The following GNAL variants were observed in gnomAD, a reference collection of about 807,000 sequenced individuals.
GNAL encodes guanine nucleotide-binding protein G(olf) subunit alpha.
GNAL carries 18 observed loss-of-function variants against 55.1 expected under a neutral mutation model. The ratio of observed to expected loss-of-function variants is 0.33; its 90% CI spans 0.23 to 0.48. The LOEUF (loss-of-function observed/expected upper bound fraction) is 0.48. GNAL is among the 20% of genes least tolerant of loss of function. The pLI is 0.99. For synonymous variants in GNAL, 253 were observed against 237.0 expected (o/e 1.07, Z -0.62); for missense variants, 412 against 614.1 (o/e 0.67, Z 3.48).
intron 4 of GNAL, among the ~76,000 whole-genome samples, chr18:11,768,661 G>C (rs1250767431): frequency 6.6e-6 from 1 of 150,566 alleles, no homozygotes; most frequent in Non-Finnish European, 1.5e-5. Context: ...TTGGGAGGCC[G>C]AGGCGGGCGG....
intron 6 of GNAL, 145 bp downstream of exon 6, chr18:11,862,594 T>TGC: frequency 1.5e-6 from 1 of 656,122 alleles, no homozygotes; most frequent in South Asian, 1.9e-5. Context: ...CCTGTGTGTG[T>TGC]GCGTGGATTG....
chr18:11,876,525 T>C (rs1449320494), intron 10 of GNAL, 96 bp from the exon 11 acceptor site: 2 of 792,318 alleles, frequency 2.5e-6, no homozygotes, highest in Admixed American at 3.8e-5. Flanking sequence ...GCTGGGAATA[T>C]ACAGCAGTCT....
chr18:11,860,220 G>A (rs1381163417), intron 5 of GNAL, among the ~76,000 whole-genome samples: 1 of 152,162 alleles, frequency 6.6e-6, no homozygotes, highest in Non-Finnish European at 1.5e-5. Flanking sequence ...ATCCACTCCT[G>A]CCCCTTTGTG....
intron 8 of GNAL, among the ~76,000 whole-genome samples, chr18:11,867,993 C>T (rs571855602): frequency 1.3e-5 from 2 of 150,276 alleles, no homozygotes; most frequent in Non-Finnish European, 3.0e-5. Flanking sequence ...GGTGTTATGG[C>T]GCACACCTTT....
chr18:11,844,984 G>A (rs1268492966), intron 5 of GNAL, among the ~76,000 whole-genome samples: 2 of 152,068 alleles, frequency 1.3e-5, no homozygotes, highest in Admixed American at 6.6e-5. Context: ...TCCTGCCTCA[G>A]CCTCCCAAGT....
chr18:11,803,092 A>C (rs1361863952), intron 4 of GNAL, among the ~76,000 whole-genome samples: 1 of 152,172 alleles, frequency 6.6e-6, no homozygotes, highest in Non-Finnish European at 1.5e-5. Context: ...ATATAACATA[A>C]ATTTTACCAT....
intron 1 of GNAL, among the ~76,000 whole-genome samples, chr18:11,750,508 G>A (rs981494677): frequency 6.6e-6 from 1 of 152,120 alleles, no homozygotes; most frequent in Non-Finnish European, 1.5e-5. Context: ...CTGGGTGGAG[G>A]AGCCCGGATG....
At chr18:11,832,879 A>C (rs973977218) in intron 5 of GNAL, among the ~76,000 whole-genome samples, 2 of 152,020 alleles carry the variant, frequency 1.3e-5, no homozygotes, top group Non-Finnish European at 2.9e-5. Flanking sequence ...TAAATAAATA[A>C]ATAAAAATTT....
In GNAL at chr18:11,880,858, C is replaced by CTAAG. The variant is rs887270570; in HGVS notation, c.1231-129_1231-126dup. ...GCTTGCATTGAGACCATTCCTGCCT[C>CTAAG]TAAGTGCTCCCATGCAAAACAAGCA... On this transcript the variant is annotated intron_variant, in intron 11 of 11. Transcript: ENST00000334049. The CTAAG allele has an allele frequency of 4.5e-6, 4 of 897,946 alleles. No individual in the cohort carries two copies. The African/African-American group carries it at 6.6e-5, about 15-fold the overall frequency. 55.6% of individuals were successfully genotyped at this position (897,946 alleles called of 1,614,324 possible). A position where few individuals can be genotyped will look rare whatever the true frequency, so the allele number is the denominator to read the frequency against.
In GNAL at chr18:11,752,608, G is replaced by T; in HGVS notation, c.377-245G>T. On this transcript the variant is annotated intron_variant, in intron 1 of 11. Coordinates refer to ENST00000334049, the MANE Select transcript of GNAL (RefSeq NM_182978.4). This position sits in a 1 kb window ranked among gnomAD's most constrained non-coding sequence, Gnocchi z 4.5. ...GGCCGAGGGGCGCGCGGCGGCTCCC[G>T]GCCCCAGCGGAGCGCACAGCCAGGA... 1 of 1,566,962 alleles carries T rather than the reference G, an allele frequency of 6.4e-7. No homozygotes were observed.
At chr18:11,812,463 AG>A (rs766771202) in intron 4 of GNAL, among the ~76,000 whole-genome samples, 16 of 152,222 alleles carry the variant, frequency 1.1e-4, no homozygotes, top group Non-Finnish European at 2.1e-4. Context: ...TGCAGGACAC[AG>A]GAACAAATAC....
chr18:11,806,942 C>T (rs1226091671), intron 4 of GNAL, among the ~76,000 whole-genome samples: 1 of 152,056 alleles, frequency 6.6e-6, no homozygotes, highest in Non-Finnish European at 1.5e-5. Flanking sequence ...GCTGGTATTA[C>T]AGGCGTGAGT....
rs554063041 is a variant in GNAL at position 11,822,923 on chromosome 18, A to G, written c.625-1995A>G. ...ATTATAGTGAATAACTCTTATGTGA[A>G]CTTTTATAAAATCTGGTGTCTGTGG... On this transcript the variant is annotated intron_variant, in intron 4 of 11. Coordinates refer to ENST00000334049, the MANE Select transcript of GNAL (RefSeq NM_182978.4). 2.0e-5 allele frequency among the ~76,000 whole-genome samples: 3 copies of G among 151,358 alleles called. No homozygotes were observed. In the East Asian group the frequency reaches 5.9e-4, roughly 30 times the overall value.
At chr18:11,710,680 G>A (rs1456947961) in intron 1 of GNAL, among the ~76,000 whole-genome samples, 1 of 151,208 alleles carries the variant, frequency 6.6e-6, no homozygotes, top group Non-Finnish European at 1.5e-5. Context: ...GTGTTCTTTG[G>A]TTGGCACTTT....
intron 5 of GNAL, among the ~76,000 whole-genome samples, chr18:11,826,648 C>T (rs996378830): frequency 2.0e-5 from 3 of 152,140 alleles, no homozygotes; most frequent in African/African-American, 4.8e-5. Flanking sequence ...AAGGGCAGAA[C>T]TAGCTGGTGG....
chr18:11,713,748 G>A (rs1386592841), intron 1 of GNAL, among the ~76,000 whole-genome samples: 1 of 152,146 alleles, frequency 6.6e-6, no homozygotes, highest in Non-Finnish European at 1.5e-5. Context: ...CTTGATTTCT[G>A]GCTCTGCTAC....
intron 1 of GNAL, among the ~76,000 whole-genome samples, chr18:11,690,731 T>C (rs1181436208): frequency 6.6e-6 from 1 of 151,240 alleles, no homozygotes; most frequent in Admixed American, 6.6e-5. Flanking sequence ...GTTCTTCCGA[T>C]AGTTTACTGA....
At chr18:11,852,478 A>T in intron 5 of GNAL, 2 of 219,752 alleles carry the variant, frequency 9.1e-6, no homozygotes, top group South Asian at 8.6e-5. Context: ...GATTGATAGT[A>T]TCTAGAATGG....
chr18:11,840,192 A>C (rs1262390921), intron 5 of GNAL, among the ~76,000 whole-genome samples: 1 of 152,246 alleles, frequency 6.6e-6, no homozygotes, highest in East Asian at 1.9e-4. Flanking sequence ...AATTAAGTGC[A>C]TGGGATGCTC....
Sources: gnomAD v4.1 joint callset for allele counts (sites outside exome capture counted in the v4.1 genomes callset) on GRCh38, gnomAD v4.1.1 for gene constraint, Gnocchi (gnomAD v3.1) non-coding constraint, MANE v1.5 for transcripts, NCBI Gene and HGNC (gene_info 2026-07-23, HGNC 2026-07-21) for gene names.